Variants in DGKB observed in about 807,000 individuals in gnomAD.
The protein encoded by DGKB is 90 kDa diacylglycerol kinase.
DGKB carries 67 observed loss-of-function variants against 114.3 expected under a neutral mutation model. The observed-to-expected ratio is 0.59, with a 90% CI of 0.48 to 0.72. The LOEUF (loss-of-function observed/expected upper bound fraction) is 0.72. DGKB is among the 30% of genes least tolerant of loss of function. DGKB has a pLI of 0.00. For missense variants in DGKB, 907 were observed against 975.2 expected (o/e 0.93, Z 0.93); for synonymous variants, 398 against 323.1 (o/e 1.23, Z -2.49).
chr7:14,662,360 G>C (rs567987880), intron 13 of DGKB, among the ~76,000 whole-genome samples: 1 of 151,638 alleles, frequency 6.6e-6, no homozygotes, highest in Non-Finnish European at 1.5e-5. Context: ...TTCTGTTTTA[G>C]GAAATATTTA....
chr7:14,310,981 A>G (rs1805295310), intron 23 of DGKB, among the ~76,000 whole-genome samples: 2 of 152,012 alleles, frequency 1.3e-5, no homozygotes, highest in African/African-American at 4.8e-5. Context: ...TACAAAAATT[A>G]GCCAGATGTG....
chr7:14,253,602 G>A (rs937905559), intron 23 of DGKB, among the ~76,000 whole-genome samples: 3 of 152,142 alleles, frequency 2.0e-5, no homozygotes, highest in East Asian at 1.9e-4. Context: ...CTGGCATTAA[G>A]TTTATCTTAC....
At chr7:14,227,021 C>T (rs145417000) in intron 23 of DGKB, among the ~76,000 whole-genome samples, 2,134 of 152,030 alleles carry the variant, frequency 0.014, 26 homozygotes, top group South Asian at 0.035. Context: ...TACAGGTGCC[C>T]GCACCGCACC....
At chr7:14,667,212 G>C (rs1033584239) in intron 13 of DGKB, among the ~76,000 whole-genome samples, 5 of 151,860 alleles carry the variant, frequency 3.3e-5, no homozygotes, top group African/African-American at 1.2e-4. Flanking sequence ...GGCTGAGAAG[G>C]GTGGTACAAA....
intron 23 of DGKB, among the ~76,000 whole-genome samples, chr7:14,188,048 A>G (rs1017089606): frequency 6.6e-6 from 1 of 152,198 alleles, no homozygotes; most frequent in East Asian, 1.9e-4. Context: ...TATTCAATGA[A>G]TGAAATGAAA....
chr7:14,707,602 C>T (rs1826527412), intron 6 of DGKB, among the ~76,000 whole-genome samples: 1 of 71,434 alleles, frequency 1.4e-5, no homozygotes, highest in Admixed American at 1.8e-4. Flanking sequence ...AGCAGCACAT[C>T]AAAAAGCTTA....
chr7:14,615,761 T>C (rs1038246903), intron 15 of DGKB, among the ~76,000 whole-genome samples: 1 of 151,748 alleles, frequency 6.6e-6, no homozygotes, highest in Non-Finnish European at 1.5e-5. Context: ...TCCTAACATA[T>C]AAAGTATGAG....
At chr7:14,299,566 A>T (rs1285780539) in intron 23 of DGKB, among the ~76,000 whole-genome samples, 1 of 152,182 alleles carries the variant, frequency 6.6e-6, no homozygotes, top group African/African-American at 2.4e-5. Flanking sequence ...ACAATAGTTA[A>T]CAGTTGAAAA....
rs368269155 is a variant in DGKB, at chr7:14,559,313, T to G, written c.1770+14899A>C. Among the ~76,000 whole-genome samples, 10 of 152,308 alleles carry G rather than the reference T, an allele frequency of 6.6e-5. No homozygotes were observed. In the South Asian group the frequency reaches 2.1e-3, roughly 32 times the overall value. On this transcript the variant is annotated intron_variant, in intron 20 of 25. Transcript: ENST00000402815. ...ATCTCTCCCTATGCACTATATCATGTTATGTCTCTAAAGTCCCAGTTACTT... is the reference window on the plus strand; with the variant it reads ...ATCTCTCCCTATGCACTATATCATGGTATGTCTCTAAAGTCCCAGTTACTT...
At chr7:14,365,871 A>C (rs1202375797) in intron 21 of DGKB, among the ~76,000 whole-genome samples, 1 of 152,166 alleles carries the variant, frequency 6.6e-6, no homozygotes, top group Non-Finnish European at 1.5e-5. Flanking sequence ...AAATATTAAT[A>C]CTTAGAGCAG....
At chr7:14,827,894 G>C (rs1845909451) in intron 2 of DGKB, among the ~76,000 whole-genome samples, 1 of 146,464 alleles carries the variant, frequency 6.8e-6, no homozygotes, top group South Asian at 2.3e-4. Flanking sequence ...TGAACAAGCA[G>C]TAGATAGACA....
chr7:14,563,269 T>C (rs978722483), intron 20 of DGKB, among the ~76,000 whole-genome samples: 1 of 152,204 alleles, frequency 6.6e-6, no homozygotes, highest in Non-Finnish European at 1.5e-5. Context: ...ATTAGCGGCA[T>C]GAGAACAGAG....
intron 23 of DGKB, among the ~76,000 whole-genome samples, chr7:14,271,498 G>A (rs942853330): frequency 2.0e-5 from 3 of 152,120 alleles, no homozygotes; most frequent in Admixed American, 6.6e-5. Context: ...TTTAATAACA[G>A]GGCACAGAGG....
rs115943756 is a variant in DGKB, at chr7:14,460,966, A to G, written c.1835+17195T>C. Among the ~76,000 whole-genome samples, 201 of 150,300 alleles carry G rather than the reference A, an allele frequency of 1.3e-3. 3 individuals are homozygous for G. Among genetic ancestry groups the G allele is most frequent in the African/African-American group, 4.9e-3 (195 of 39,662 alleles). Reference sequence around the variant, plus strand: ...GAAACTCACCCAAAACTACACAACTACAGGGAAATTGAACAACCAGATCCT... The same window carrying G: ...GAAACTCACCCAAAACTACACAACTGCAGGGAAATTGAACAACCAGATCCT... On this transcript the variant is annotated intron_variant, in intron 21 of 25. Transcript: ENST00000402815.
intron 12 of DGKB, among the ~76,000 whole-genome samples, chr7:14,681,672 A>C (rs1820861113): frequency 6.6e-6 from 1 of 152,126 alleles, no homozygotes. Flanking sequence ...TTTGTACTAC[A>C]TTATCAAAAA....
chr7:14,615,726 T>G (rs913846250), intron 15 of DGKB, among the ~76,000 whole-genome samples: 14 of 151,816 alleles, frequency 9.2e-5, no homozygotes, highest in African/African-American at 3.4e-4. Flanking sequence ...CTCTCATTAT[T>G]GAGTATGAGT....
chr7:14,438,984 GCCT>G (rs994392063), intron 21 of DGKB, among the ~76,000 whole-genome samples: 2 of 132,282 alleles, frequency 1.5e-5, no homozygotes, highest in Non-Finnish European at 3.4e-5. Flanking sequence ...AATGGGGGAA[GCCT>G]CCTTTTTTTT....
intron 23 of DGKB, among the ~76,000 whole-genome samples, chr7:14,299,548 C>T (rs568594826): frequency 6.6e-6 from 1 of 152,188 alleles, no homozygotes; most frequent in Non-Finnish European, 1.5e-5. Flanking sequence ...TCATGCAGAC[C>T]AACAAGAACA....
At chr7:14,345,492 T>A in intron 21 of DGKB, 101 bp from the exon 22 acceptor site, 1 of 605,290 alleles carries the variant, frequency 1.7e-6, no homozygotes, top group Non-Finnish European at 2.9e-6. Context: ...AGAAAAGGTC[T>A]GAGGACATGT....
Sources: allele counts gnomAD v4.1 joint callset (sites outside exome capture counted in the v4.1 genomes callset), GRCh38; gene constraint gnomAD v4.1.1; transcripts MANE v1.5; gene names NCBI Gene and HGNC (gene_info 2026-07-23, HGNC 2026-07-21).